The following AGBL4 variants were observed in gnomAD, a reference collection of about 807,000 sequenced individuals.
AGBL4 encodes cytosolic carboxypeptidase 6.
In AGBL4, 58 loss-of-function variants were observed where a neutral mutation model predicts 66.4. The observed-to-expected ratio is 0.87, with a 90% CI of 0.71 to 1.09. The LOEUF (loss-of-function observed/expected upper bound fraction) is 1.09. AGBL4 is among the 50% of genes least tolerant of loss of function. AGBL4 has a pLI of 0.00. For missense variants in AGBL4, 579 were observed against 631.0 expected (o/e 0.92, Z 0.88); for synonymous variants, 234 against 222.9 (o/e 1.05, Z -0.44).
chr1:48,735,560 G>C (rs982695073), intron 6 of AGBL4, among the ~76,000 whole-genome samples: 1 of 151,764 alleles, frequency 6.6e-6, no homozygotes, highest in Middle Eastern at 3.2e-3. Context: ...AAAGGAGGGA[G>C]GGAGGAAGAG....
At chr1:49,292,468 G>A (rs1052442736) in intron 3 of AGBL4, among the ~76,000 whole-genome samples, 1 of 152,154 alleles carries the variant, frequency 6.6e-6, no homozygotes, top group Non-Finnish European at 1.5e-5. Context: ...ACCCACCCAT[G>A]GCCACCCATG....
chr1:48,626,441 T>C (rs940612490), intron 9 of AGBL4, among the ~76,000 whole-genome samples: 1 of 152,224 alleles, frequency 6.6e-6, no homozygotes. Flanking sequence ...CTAAGCACTT[T>C]CATTAAGCAT....
intron 3 of AGBL4, among the ~76,000 whole-genome samples, chr1:49,297,857 C>G (rs1033224862): frequency 1.3e-5 from 2 of 152,166 alleles, no homozygotes; most frequent in Non-Finnish European, 2.9e-5. Flanking sequence ...CTTCCTCACT[C>G]CTCATGCTGT....
At chr1:49,451,772 C>T (rs1205500647) in intron 3 of AGBL4, among the ~76,000 whole-genome samples, 1 of 151,582 alleles carries the variant, frequency 6.6e-6, no homozygotes, top group African/African-American at 2.4e-5. Context: ...CCTTCAGTGC[C>T]GATTATAAGA....
chr1:49,250,074 G>A (rs560463398), intron 3 of AGBL4, among the ~76,000 whole-genome samples: 106 of 152,296 alleles, frequency 7.0e-4, no homozygotes, highest in African/African-American at 2.5e-3. Flanking sequence ...GGCCAGTAAG[G>A]AAGTTGGAGG....
In AGBL4 at chr1:49,895,547, C is replaced by A. The variant is rs546520894; in HGVS notation, c.35-44029G>T. Among the ~76,000 whole-genome samples, 6 of 151,896 alleles carry A rather than the reference C, an allele frequency of 4.0e-5. No homozygotes were observed. The East Asian group carries it at 1.2e-3, about 29-fold the overall frequency. On this transcript the variant is annotated intron_variant, in intron 1 of 13. Coordinates refer to ENST00000371839, the MANE Select transcript of AGBL4 (RefSeq NM_032785.4). The stretch of plus-strand genomic sequence containing the variant: ...AGAAACATAGTACAATAAGATATAG[C>A]TTTTTTAAAAATTAAAAAAGTAGGG...
chr1:49,721,267 G>A (rs555399951), intron 2 of AGBL4, among the ~76,000 whole-genome samples: 3 of 152,092 alleles, frequency 2.0e-5, no homozygotes, highest in East Asian at 3.9e-4. Context: ...GTGGCAATCC[G>A]CTCGGGTCCC....
At chr1:49,678,504 T>A (rs1388264051) in intron 3 of AGBL4, among the ~76,000 whole-genome samples, 2 of 152,136 alleles carry the variant, frequency 1.3e-5, no homozygotes, top group Non-Finnish European at 2.9e-5. Flanking sequence ...TGCATTGGGT[T>A]AATTTTTATC....
At chr1:49,637,802 A>AC (rs1645707207) in intron 3 of AGBL4, among the ~76,000 whole-genome samples, 1 of 152,162 alleles carries the variant, frequency 6.6e-6, no homozygotes, top group East Asian at 1.9e-4. Context: ...AGCTTGAGGA[A>AC]CCAATATATA....
At chr1:49,718,775 C>A (rs1434017851) in intron 2 of AGBL4, among the ~76,000 whole-genome samples, 1 of 151,692 alleles carries the variant, frequency 6.6e-6, no homozygotes, top group Non-Finnish European at 1.5e-5. Context: ...CTTCTTTATT[C>A]CAAGAATATA....
chr1:49,122,211 C>T (rs1420079000), intron 4 of AGBL4, among the ~76,000 whole-genome samples: 1 of 152,218 alleles, frequency 6.6e-6, no homozygotes, highest in African/African-American at 2.4e-5. Context: ...CCTCCATGGG[C>T]TGCATCCACT....
At chr1:49,602,329 C>T (rs756885265) in intron 3 of AGBL4, among the ~76,000 whole-genome samples, 5 of 152,068 alleles carry the variant, frequency 3.3e-5, no homozygotes, top group Admixed American at 6.6e-5. Flanking sequence ...TTTGACCCAG[C>T]GATCACATCA....
chr1:48,949,765 C>G (rs1346850029), intron 5 of AGBL4, among the ~76,000 whole-genome samples: 2 of 152,182 alleles, frequency 1.3e-5, no homozygotes, highest in Non-Finnish European at 2.9e-5. Flanking sequence ...AAGCTCCTCA[C>G]TGGAAGCAGG....
chr1:48,907,191 T>C (rs781702592), intron 5 of AGBL4, among the ~76,000 whole-genome samples: 1 of 152,220 alleles, frequency 6.6e-6, no homozygotes, highest in Non-Finnish European at 1.5e-5. Context: ...CTTTGCCTTA[T>C]TGAATTTAAG....
intron 1 of AGBL4, among the ~76,000 whole-genome samples, chr1:49,986,424 T>C (rs1040783363): frequency 3.9e-5 from 6 of 152,134 alleles, no homozygotes; most frequent in African/African-American, 1.4e-4. Flanking sequence ...TTGACTGTTA[T>C]GTGGGTTACT....
chr1:49,644,312 A>G (rs1166271610), intron 3 of AGBL4, among the ~76,000 whole-genome samples: 2 of 151,570 alleles, frequency 1.3e-5, no homozygotes, highest in African/African-American at 4.8e-5. Flanking sequence ...ACAAATAATT[A>G]TAAAAAAATG....
At position 49,351,443 on chromosome 1, in the gene AGBL4, T is replaced by C. The variant is rs138083328; in HGVS notation, c.283-105579A>G. ...AGGGAGTATACTCTCTGTATATGTA[T>C]AGTACACATATGTATATATATATAT... is the stretch of plus-strand genomic sequence containing the variant. On this transcript the variant is annotated intron_variant, in intron 3 of 13. Transcript: ENST00000371839. Among the ~76,000 whole-genome samples the C allele has an allele frequency of 2.0e-3, 302 of 152,016 alleles. 1 individual carries two copies. The highest frequency in any genetic ancestry group is 6.9e-3 in the African/African-American group (285 of 41,478).
intron 3 of AGBL4, among the ~76,000 whole-genome samples, chr1:49,633,866 TA>T (rs1355113713): frequency 7.1e-6 from 1 of 140,242 alleles, no homozygotes; most frequent in East Asian, 1.9e-4. Flanking sequence ...TACATATAGT[TA>T]AATAATTTAT....
chr1:49,991,613 T>C (rs1369947891), intron 1 of AGBL4, among the ~76,000 whole-genome samples: 3 of 152,196 alleles, frequency 2.0e-5, no homozygotes, highest in African/African-American at 7.2e-5. Context: ...TTCACATTTC[T>C]AACTGCATCC....
Sources: gnomAD v4.1 joint callset for allele counts (sites outside exome capture counted in the v4.1 genomes callset) on GRCh38, gnomAD v4.1.1 for gene constraint, MANE v1.5 for transcripts, NCBI Gene and HGNC (gene_info 2026-07-23, HGNC 2026-07-21) for gene names.